The following DPYD variants were observed in gnomAD, a reference collection of about 807,000 sequenced individuals.
The protein encoded by DPYD is dihydropyrimidine dehydrogenase [NADP(+)].
In DPYD, 109 loss-of-function variants were observed where a neutral mutation model predicts 116.2. That is an observed-to-expected ratio of 0.94 (90% CI 0.80 to 1.10). DPYD has a LOEUF of 1.10. Among genes scored for constraint, DPYD ranks in the 50% least tolerant of loss-of-function variants. The probability of loss-of-function intolerance (pLI) is 0.00; values close to 1 mark genes in which losing one functional copy is unlikely to be tolerated. For missense variants in DPYD, 1,302 were observed against 1,254.5 expected, an observed-to-expected ratio of 1.04 and a Z score of -0.57; for synonymous variants, 440 against 432.0, an observed-to-expected ratio of 1.02 and a Z score of -0.23.
intron 14 of DPYD, among the ~76,000 whole-genome samples, chr1:97,423,397 C>A (rs1674687449): frequency 6.6e-6 from 1 of 152,002 alleles, no homozygotes; most frequent in Admixed American, 6.6e-5. Context: ...GGAAGGAAAG[C>A]AGCAACTTCC....
chr1:97,498,842 A>G lies in DPYD; in HGVS notation c.1740+16884T>C, dbSNP rs143526074. On this transcript the variant is annotated intron_variant, in intron 13 of 22. Transcript: ENST00000370192. ...AGAAATTTATTCTTAGTGATAATGA[A>G]CATACAATGTATTGAAATAGATTAA... is the stretch of plus-strand genomic sequence containing the variant. 1.7e-3 allele frequency among the ~76,000 whole-genome samples: 261 copies of G among 151,852 alleles called. 2 individuals carry two copies. The highest frequency in any genetic ancestry group is 5.9e-3 in the African/African-American group (245 of 41,540).
chr1:97,285,838 T>G (rs1665641674), intron 18 of DPYD, among the ~76,000 whole-genome samples: 1 of 152,104 alleles, frequency 6.6e-6, no homozygotes, highest in Non-Finnish European at 1.5e-5. Flanking sequence ...TTCATATATT[T>G]TAGTGAGACT....
chr1:97,457,522 C>G (rs899426801), intron 13 of DPYD, among the ~76,000 whole-genome samples: 1 of 151,998 alleles, frequency 6.6e-6, no homozygotes, highest in South Asian at 2.1e-4. Flanking sequence ...TCTGCCGATC[C>G]GGATAACCAT....
At chr1:97,494,147 G>A (rs1679122722) in intron 13 of DPYD, among the ~76,000 whole-genome samples, 1 of 152,158 alleles carries the variant, frequency 6.6e-6, no homozygotes, top group Non-Finnish European at 1.5e-5. Context: ...TTTCACAGAG[G>A]AAAATGGACC....
At chr1:97,748,922 C>T (rs1252482606) in intron 3 of DPYD, among the ~76,000 whole-genome samples, 2 of 152,134 alleles carry the variant, frequency 1.3e-5, no homozygotes, top group Admixed American at 6.5e-5. Context: ...TACTGTGAAG[C>T]TTCTACTTTT....
intron 2 of DPYD, among the ~76,000 whole-genome samples, chr1:97,877,791 A>G (rs923679018): frequency 2.0e-5 from 3 of 151,998 alleles, no homozygotes; most frequent in African/African-American, 7.2e-5. Flanking sequence ...TGTGAATTTG[A>G]TATGTCAATG....
chr1:97,117,368 A>T (rs1652058405), intron 20 of DPYD, among the ~76,000 whole-genome samples: 1 of 152,212 alleles, frequency 6.6e-6, no homozygotes, highest in Non-Finnish European at 1.5e-5. Flanking sequence ...TCACTAGAAG[A>T]TCGTTTCAGA....
At chr1:97,737,299 T>G (rs1181182277) in intron 4 of DPYD, among the ~76,000 whole-genome samples, 1 of 152,122 alleles carries the variant, frequency 6.6e-6, no homozygotes, top group Non-Finnish European at 1.5e-5. Context: ...ATGAAGGAAA[T>G]GACCTCCTGT....
chr1:97,516,826 T>C (rs1024925206), intron 12 of DPYD, among the ~76,000 whole-genome samples: 2 of 151,800 alleles, frequency 1.3e-5, no homozygotes, highest in East Asian at 3.9e-4. Flanking sequence ...CTCACTCCAT[T>C]CCTCCCTCCC....
intron 3 of DPYD, among the ~76,000 whole-genome samples, chr1:97,808,775 TA>T (rs1283186342): frequency 6.6e-6 from 1 of 151,244 alleles, no homozygotes; most frequent in African/African-American, 2.4e-5. Context: ...CCATAATCTT[TA>T]AAAAATATAA....
intron 8 of DPYD, among the ~76,000 whole-genome samples, chr1:97,662,877 T>C (rs769519740): frequency 1.4e-4 from 22 of 152,196 alleles, no homozygotes; most frequent in African/African-American, 2.2e-4. Flanking sequence ...TATCACACTC[T>C]GTGGAATTGG....
At chr1:97,157,206 T>G (rs1026753197) in intron 20 of DPYD, among the ~76,000 whole-genome samples, 175 of 151,894 alleles carry the variant, frequency 1.2e-3, no homozygotes, top group Admixed American at 4.6e-3. Flanking sequence ...GCATGGCACA[T>G]GTATACATAT....
chr1:97,116,585 T>C (rs567937704), intron 20 of DPYD, among the ~76,000 whole-genome samples: 3 of 151,916 alleles, frequency 2.0e-5, no homozygotes, highest in East Asian at 3.9e-4. Context: ...GGTGGAAGGA[T>C]TGCTTGAGCC....
chr1:97,587,970 A>G (rs1654255678), intron 10 of DPYD, among the ~76,000 whole-genome samples: 1 of 152,154 alleles, frequency 6.6e-6, no homozygotes, highest in African/African-American at 2.4e-5. Context: ...AAAATGATCT[A>G]TTATGGGGTA....
intron 20 of DPYD, among the ~76,000 whole-genome samples, chr1:97,154,587 C>G (rs561239368): frequency 8.6e-5 from 13 of 151,892 alleles, no homozygotes; most frequent in Non-Finnish European, 1.8e-4. Flanking sequence ...AAACCATTAG[C>G]CATGTTATTA....
chr1:97,635,213 T>C (rs1657493406), intron 8 of DPYD, among the ~76,000 whole-genome samples: 1 of 152,052 alleles, frequency 6.6e-6, no homozygotes, highest in African/African-American at 2.4e-5. Context: ...TAAGGAATTA[T>C]GTAGGGACCG....
intron 14 of DPYD, among the ~76,000 whole-genome samples, chr1:97,403,708 C>A (rs1330696125): frequency 2.0e-5 from 3 of 151,862 alleles, no homozygotes; most frequent in African/African-American, 7.2e-5. Flanking sequence ...TATTCATTAG[C>A]CTGGCTAGAG....
chr1:97,672,687 A>T (rs1167189493), intron 8 of DPYD, among the ~76,000 whole-genome samples: 1 of 152,304 alleles, frequency 6.6e-6, no homozygotes, highest in African/African-American at 2.4e-5. Context: ...CTCTGAATAA[A>T]TAGAAAGTAT....
intron 7 of DPYD, among the ~76,000 whole-genome samples, chr1:97,688,043 T>C (rs1025668191): frequency 1.3e-5 from 2 of 152,150 alleles, no homozygotes; most frequent in African/African-American, 4.8e-5. Flanking sequence ...ACCTAGGTGA[T>C]GTGTTGATAG....
Sources: gnomAD v4.1 joint callset for allele counts (sites outside exome capture counted in the v4.1 genomes callset) on GRCh38, gnomAD v4.1.1 for gene constraint, MANE v1.5 for transcripts, NCBI Gene and HGNC (gene_info 2026-07-23, HGNC 2026-07-21) for gene names.